The following PLEKHG7 variants were observed in gnomAD, a reference collection of about 807,000 sequenced individuals.
PLEKHG7 encodes pleckstrin homology domain-containing family G member 7.
Under a neutral mutation model 85.2 loss-of-function variants are expected in PLEKHG7, and 77 were observed. That is an observed-to-expected ratio of 0.90 (90% CI 0.75 to 1.09). The LOEUF (loss-of-function observed/expected upper bound fraction) is 1.09, where lower values mean the gene tolerates loss of function less well. Among genes scored for constraint, PLEKHG7 ranks in the 50% least tolerant of loss-of-function variants. The pLI, the probability that PLEKHG7 is intolerant of heterozygous loss-of-function variation, is 0.00. For synonymous variants in PLEKHG7, 301 were observed against 302.4 expected, an observed-to-expected ratio of 1.00 and a Z score of 0.05; for missense variants, 777 against 804.3, an observed-to-expected ratio of 0.97 and a Z score of 0.41.
rs11331072 is a variant in PLEKHG7, at chr12:92,715,716, C to CAAAAAA, written c.530+8061_530+8066dup. On this transcript the variant is annotated intron_variant, in intron 3 of 16. Coordinates refer to ENST00000344636, the MANE Select transcript of PLEKHG7 (RefSeq NM_001377329.1). ...TATCTAAGAGCAAGGGTTCTTGCCT[C>CAAAAAA]AAAAAAAAAAAAAAAAAAAAAAGGC... Among the ~76,000 whole-genome samples the CAAAAAA allele has an allele frequency of 1.3e-3, 113 of 87,428 alleles. 3 individuals carry two copies. Among genetic ancestry groups the CAAAAAA allele is most frequent in the African/African-American group, 5.0e-3 (107 of 21,504 alleles). 57.4% of individuals were successfully genotyped at this position (87,428 alleles called of 152,430 possible). A position where few individuals can be genotyped will look rare whatever the true frequency, so the allele number is the denominator to read the frequency against.
In PLEKHG7 at chr12:92,728,978, A is replaced by G. The variant is rs1213467622; in HGVS notation, c.531-15A>G. 8.9e-5 allele frequency: 110 copies of G among 1,230,998 alleles called. No homozygotes were observed. The highest frequency in any genetic ancestry group is 1.1e-4 in the Non-Finnish European group (105 of 987,292). 76.3% of individuals were successfully genotyped at this position (1,230,998 alleles called of 1,614,324 possible). ...GATATTTCGGTGTGGTTTTCCTTTTATCTCTTGAGCACAGGTTCTACGAGC... is the reference window on the plus strand; with the variant it reads ...GATATTTCGGTGTGGTTTTCCTTTTGTCTCTTGAGCACAGGTTCTACGAGC... On this transcript the variant is annotated splice_polypyrimidine_tract_variant and intron_variant, in intron 3 of 16. Transcript: ENST00000344636.
intron 10 of PLEKHG7, chr12:92,749,421 A>G (rs1872625821): frequency 6.6e-6 from 1 of 152,094 alleles, no homozygotes; most frequent in Non-Finnish European, 1.5e-5. Flanking sequence ...CCTCCCACAT[A>G]GCTGGGACTA....
intron 10 of PLEKHG7, 37 bp from the exon 11 acceptor site, chr12:92,754,053 G>A (rs1001880858): frequency 1.3e-6 from 2 of 1,599,616 alleles, no homozygotes; most frequent in East Asian, 2.2e-5. Flanking sequence ...AGTGGGAGAG[G>A]TGATCATTCT....
chr12:92,737,182 C>T (rs923072571), intron 6 of PLEKHG7, among the ~76,000 whole-genome samples, 196 bp from the exon 7 acceptor site: 10 of 152,112 alleles, frequency 6.6e-5, no homozygotes, highest in Admixed American at 1.3e-4. Context: ...ATTGGCATCC[C>T]GGAGCCCCAC....
rs1000721997 is a variant in PLEKHG7, at chr12:92,770,338, A to G, written c.*143A>G. On this transcript the variant is annotated 3_prime_UTR_variant, in exon 17 of 17. Coordinates refer to ENST00000344636, the MANE Select transcript of PLEKHG7 (RefSeq NM_001377329.1). ...GTTTCAGAATTTGAAATTTTGAGCTAGGAAAATCCTCAGTATAGAGGAATA... is the reference window on the plus strand; with the variant it reads ...GTTTCAGAATTTGAAATTTTGAGCTGGGAAAATCCTCAGTATAGAGGAATA... The G allele has an allele frequency of 5.9e-6, 4 of 673,178 alleles. No homozygotes were observed. Among genetic ancestry groups the G allele is most frequent in the Non-Finnish European group, 7.6e-6 (3 of 396,960 alleles). 41.7% of individuals were successfully genotyped at this position (673,178 alleles called of 1,614,324 possible). A position where few individuals can be genotyped will look rare whatever the true frequency, so the allele number is the denominator to read the frequency against.
chr12:92,752,626 G>T (rs2136619067), intron 10 of PLEKHG7, among the ~76,000 whole-genome samples: 1 of 152,262 alleles, frequency 6.6e-6, no homozygotes, highest in South Asian at 2.1e-4. Flanking sequence ...GGCCCTGAAG[G>T]GTCTGGGTCA....
chr12:92,745,825 G>T (rs1872520265), intron 10 of PLEKHG7, among the ~76,000 whole-genome samples: 1 of 152,142 alleles, frequency 6.6e-6, no homozygotes, highest in East Asian at 1.9e-4. Flanking sequence ...CTGAAATGTT[G>T]GCTGGGGCTT....
At chr12:92,740,044 G>A (rs193151823) in intron 7 of PLEKHG7, among the ~76,000 whole-genome samples, 1 of 152,296 alleles carries the variant, frequency 6.6e-6, no homozygotes. Context: ...TCCGATGCAA[G>A]TTCAAGAACC....
chr12:92,725,366 T>G (rs922488761), intron 3 of PLEKHG7, among the ~76,000 whole-genome samples: 2 of 152,172 alleles, frequency 1.3e-5, no homozygotes, highest in Non-Finnish European at 2.9e-5. Context: ...ATGAGAATCC[T>G]CTGAGGTGTC....
At position 92,764,249 on chromosome 12, in the gene PLEKHG7, A is replaced by T; in HGVS notation, c.1870+55A>T. The T allele has an allele frequency of 4.7e-6, 7 of 1,493,452 alleles. No individual in the cohort carries two copies. In the South Asian group the frequency reaches 8.0e-5, roughly 17 times the overall value. The allele number at this position is 1,493,452 out of a possible 1,614,324, so 92.5% of individuals were successfully genotyped here. On this transcript the variant is annotated intron_variant, in intron 15 of 16. Coordinates refer to ENST00000344636, the MANE Select transcript of PLEKHG7 (RefSeq NM_001377329.1). ...TCTGTTTGCCATCACAGAGTTTTAT[A>T]TTGGCCTTTCTTGGTAGCAGGTCAT...
intron 8 of PLEKHG7, 142 bp from the exon 9 acceptor site, chr12:92,741,349 G>C: frequency 2.2e-6 from 1 of 458,864 alleles, no homozygotes; most frequent in Non-Finnish European, 3.8e-6. Flanking sequence ...TTGGAGAGTG[G>C]AGGAAATAAA....
At chr12:92,746,445 GGAAT>G (rs1872535335) in intron 10 of PLEKHG7, among the ~76,000 whole-genome samples, 1 of 152,206 alleles carries the variant, frequency 6.6e-6, no homozygotes, top group Non-Finnish European at 1.5e-5. Flanking sequence ...CGAGAAAAGG[GGAAT>G]AATCTTAGGG....
intron 9 of PLEKHG7, among the ~76,000 whole-genome samples, chr12:92,742,995 C>G (rs1268382883): frequency 6.6e-6 from 1 of 152,128 alleles, no homozygotes; most frequent in Non-Finnish European, 1.5e-5. Flanking sequence ...CATATGAATG[C>G]CCCACGCTAT....
chr12:92,727,078 G>A (rs1871837427), intron 3 of PLEKHG7, among the ~76,000 whole-genome samples: 1 of 152,132 alleles, frequency 6.6e-6, no homozygotes, highest in African/African-American at 2.4e-5. Context: ...ACCATAAACA[G>A]CAAGTAAGGC....
chr12:92,756,088 G>A, intron 12 of PLEKHG7, 148 bp downstream of exon 12: 1 of 704,320 alleles, frequency 1.4e-6, no homozygotes, highest in Non-Finnish European at 2.4e-6. Context: ...CATCTGTAGG[G>A]CATTGTATGC....
chr12:92,729,002 G>C lies in PLEKHG7; in HGVS notation c.540G>C (p.Glu180Asp). ...GEELHPSRFY[E>D]HRRSSVVLNL... ...TATCTCTTGAGCACAGGTTCTACGA[G>C]CACAGGCGGAGTTCTGTGGTGCTGA... Residue 180 changes from glutamate to aspartate, a missense_variant, in exon 4 of 17, where the codon GAG (glutamate) becomes GAC (aspartate). Coordinates refer to ENST00000344636, the MANE Select transcript of PLEKHG7 (RefSeq NM_001377329.1). 1 of 1,231,772 alleles carries C rather than the reference G, an allele frequency of 8.1e-7. No homozygotes were observed. The highest frequency in any genetic ancestry group is 1.0e-6 in the Non-Finnish European group (1 of 987,734). The allele number at this position is 1,231,772 out of a possible 1,614,324, so 76.3% of individuals were successfully genotyped here.
At chr12:92,711,604 C>T (rs1185475450) in intron 3 of PLEKHG7, among the ~76,000 whole-genome samples, 7 of 152,190 alleles carry the variant, frequency 4.6e-5, no homozygotes, top group Non-Finnish European at 5.9e-5. Flanking sequence ...AGCCCAGTAA[C>T]AGGCCAAGAG....
chr12:92,737,500 C>A lies in PLEKHG7; in HGVS notation c.918C>A (p.Asp306Glu), dbSNP rs368827583. ...CAAGTGAATGCACCTATTTTTTGGACCATTTATTAGTTCTTAAGATGGTAA... is the reference window on the plus strand; with the variant it reads ...CAAGTGAATGCACCTATTTTTTGGAACATTTATTAGTTCTTAAGATGGTAA... ...LFTSECTYFL[D>E]HLLVLKMIFM... The change falls in exon 7 of 17, where the codon GAC (aspartate) becomes GAA (glutamate). Residue 306 changes from aspartate to glutamate, a missense_variant. By Grantham distance (45) the Asp-to-Glu change is conservative. Transcript: ENST00000344636. The A allele has an allele frequency of 2.5e-6, 4 of 1,602,994 alleles. No individual in the cohort carries two copies. In the African/African-American group the frequency reaches 5.4e-5, roughly 22 times the overall value.
chr12:92,746,849 C>G (rs533633001), intron 10 of PLEKHG7, among the ~76,000 whole-genome samples: 5 of 151,826 alleles, frequency 3.3e-5, no homozygotes, highest in Non-Finnish European at 4.4e-5. Flanking sequence ...GAAAGTAGAC[C>G]CCTATCTCTC....
Sources: gnomAD v4.1 joint callset for allele counts (sites outside exome capture counted in the v4.1 genomes callset) on GRCh38, gnomAD v4.1.1 for gene constraint, MANE v1.5 for transcripts, NCBI Gene and HGNC (gene_info 2026-07-23, HGNC 2026-07-21) for gene names.